Variants in ALG9 observed in about 807,000 individuals in gnomAD.
ALG9 encodes ALG9 alpha-1,2-mannosyltransferase.
Under a neutral mutation model 81.8 loss-of-function variants are expected in ALG9, and 55 were observed. The ratio of observed to expected loss-of-function variants is 0.67; its 90% CI spans 0.54 to 0.84. ALG9 has a LOEUF of 0.84. ALG9 is among the 40% of genes least tolerant of loss of function. The pLI, the probability that ALG9 is intolerant of heterozygous loss-of-function variation, is 0.00. For missense variants in ALG9, 629 were observed against 745.0 expected (o/e 0.84, Z 1.81); for synonymous variants, 278 against 274.3 (o/e 1.01, Z -0.13).
chr11:111,804,520 G>T (rs1949641535), intron 14 of ALG9, among the ~76,000 whole-genome samples: 1 of 152,158 alleles, frequency 6.6e-6, no homozygotes, highest in African/African-American at 2.4e-5. Context: ...GAGCCCAGGA[G>T]TTAGAGGTTA....
At chr11:111,794,873 G>A (rs1161548461) in intron 14 of ALG9, among the ~76,000 whole-genome samples, 1 of 152,186 alleles carries the variant, frequency 6.6e-6, no homozygotes, top group Non-Finnish European at 1.5e-5. Flanking sequence ...CAGTTCTGAA[G>A]AGAATCTCAG....
In ALG9 at chr11:111,828,282, C is replaced by T. The variant is rs186446941; in HGVS notation, c.1602+7883G>A. On this transcript the variant is annotated intron_variant, in intron 13 of 14. Coordinates refer to ENST00000616540, the MANE Select transcript of ALG9 (RefSeq NM_024740.2). ...TGATTCAAAACTGTTGGAATTACAC[C>T]GCCAATGGATAGTCTTGAGCATGAT... 4.5e-3 allele frequency among the ~76,000 whole-genome samples: 682 copies of T among 152,256 alleles called. 4 individuals are homozygous for T. The highest frequency in any genetic ancestry group is 7.1e-3 in the Non-Finnish European group (483 of 68,038).
rs118171633 is a variant in ALG9, at chr11:111,847,671, A to G, written c.896-2948T>C. ...CCTCTTGATCTCTGACCCCACAGAG[A>G]CATTTTGCCTAAGACTTCACAATTC... On this transcript the variant is annotated intron_variant, in intron 8 of 14. Coordinates refer to ENST00000616540, the MANE Select transcript of ALG9 (RefSeq NM_024740.2). 6.6e-3 allele frequency among the ~76,000 whole-genome samples: 1,012 copies of G among 152,256 alleles called. 6 individuals carry two copies. The highest frequency in any genetic ancestry group is 0.051 in the Middle Eastern group (15 of 294).
chr11:111,800,847 A>G (rs1301744336), intron 14 of ALG9, among the ~76,000 whole-genome samples: 2 of 152,174 alleles, frequency 1.3e-5, no homozygotes, highest in African/African-American at 4.8e-5. Flanking sequence ...CTAACTGGAG[A>G]TGAGTGATGG....
In ALG9 at chr11:111,786,443, A is replaced by C. The variant is rs782585320; in HGVS notation, c.1811T>G (p.Leu604Arg). 6.2e-7 allele frequency: 1 copy of C among 1,614,046 alleles called. No homozygotes were observed. Among genetic ancestry groups the C allele is most frequent in the Non-Finnish European group, 8.5e-7 (1 of 1,180,012 alleles). The stretch of plus-strand genomic sequence containing the variant: ...GATTTGCTTTGCTTTCCGGGGTTTG[A>C]GGATGGTGTAGTTTACGTACACTGT... ...QYTVYVNYTILKPRKAKQIRK... is the reference protein window; with the variant it reads ...QYTVYVNYTIRKPRKAKQIRK... Residue 604 changes from leucine to arginine, a missense_variant, in exon 15 of 15, where the codon CTC becomes CGC. Physicochemically the swap from Leu to Arg is moderately radical, Grantham distance 102. This residue lies in a region of ALG9 where 264 missense variants were observed against 302.2 expected (regional missense o/e 0.87). Transcript: ENST00000616540.
chr11:111,864,606 C>T, intron 4 of ALG9: 1 of 504,278 alleles, frequency 2.0e-6, no homozygotes, highest in East Asian at 3.4e-5. Context: ...CAGTCTTTAA[C>T]ATCTACCTCT....
chr11:111,844,775 TTA>T (rs1555127515), intron 8 of ALG9, 52 bp from the exon 9 acceptor site: 3 of 1,586,162 alleles, frequency 1.9e-6, no homozygotes, highest in Non-Finnish European at 1.7e-6. Context: ...TTAACACCTA[TTA>T]CGGTGCTTGA....
At chr11:111,837,363 C>G in intron 12 of ALG9, 105 bp downstream of exon 12, 2 of 1,341,076 alleles carry the variant, frequency 1.5e-6, no homozygotes, top group Non-Finnish European at 2.1e-6. Flanking sequence ...AATTCAATAA[C>G]TCTCTGTGAA....
chr11:111,852,523 A>G (rs1957987498), intron 8 of ALG9, among the ~76,000 whole-genome samples: 1 of 152,168 alleles, frequency 6.6e-6, no homozygotes, highest in African/African-American at 2.4e-5. Flanking sequence ...TGCTGACCCC[A>G]GCCCAGCCCC....
At chr11:111,820,358 C>T (rs1209578009) in intron 13 of ALG9, among the ~76,000 whole-genome samples, 3 of 152,198 alleles carry the variant, frequency 2.0e-5, no homozygotes, top group African/African-American at 7.2e-5. Flanking sequence ...CTGGTAAGGG[C>T]CTTCTTACTG....
chr11:111,867,255 G>A (rs971718553), intron 3 of ALG9, among the ~76,000 whole-genome samples: 7 of 152,264 alleles, frequency 4.6e-5, no homozygotes, highest in East Asian at 3.9e-4. Flanking sequence ...ACCTTGCAGT[G>A]GCTTTACATA....
intron 14 of ALG9, among the ~76,000 whole-genome samples, chr11:111,789,761 A>C (rs970430672): frequency 2.6e-5 from 4 of 151,620 alleles, no homozygotes; most frequent in Non-Finnish European, 5.9e-5. Context: ...TAGAAGTTGC[A>C]GTGAGCTGAG....
chr11:111,854,474 T>C (rs1555141867), intron 6 of ALG9, among the ~76,000 whole-genome samples: 1 of 152,110 alleles, frequency 6.6e-6, no homozygotes, highest in African/African-American at 2.4e-5. Flanking sequence ...TTTCACCATG[T>C]TGGCCAGGCT....
intron 14 of ALG9, among the ~76,000 whole-genome samples, chr11:111,792,666 A>C (rs902818182): frequency 1.2e-4 from 18 of 152,228 alleles, no homozygotes; most frequent in African/African-American, 4.3e-4. Context: ...TTCAGCATCA[A>C]ATTCTAAATA....
intron 13 of ALG9, among the ~76,000 whole-genome samples, chr11:111,822,157 A>G (rs2136596905): frequency 6.6e-6 from 1 of 152,298 alleles, no homozygotes; most frequent in Non-Finnish European, 1.5e-5. Context: ...CTGTAAACCT[A>G]GCACTTTGGG....
At position 111,861,359 on chromosome 11, in the gene ALG9, A is replaced by C. The variant is rs1960052195; in HGVS notation, c.477-724T>G. ...ACTGCATTTCAGAGCTTCTTTCTGA[A>C]ATAATTTTGCTTTTTCCTAAGTACC... is the stretch of plus-strand genomic sequence containing the variant. On this transcript the variant is annotated intron_variant, in intron 4 of 14. Transcript: ENST00000616540. 1.3e-5 allele frequency among the ~76,000 whole-genome samples: 2 copies of C among 152,148 alleles called. 1 individual carries two copies. Among genetic ancestry groups the C allele is most frequent in the South Asian group, 4.1e-4 (2 of 4,832 alleles).
intron 14 of ALG9, among the ~76,000 whole-genome samples, chr11:111,803,596 T>C (rs1333745343): frequency 6.6e-6 from 1 of 151,268 alleles, no homozygotes; most frequent in African/African-American, 2.4e-5. Context: ...AGTGTGGTAC[T>C]GGAGAAAGAA....
intron 13 of ALG9, among the ~76,000 whole-genome samples, chr11:111,825,849 G>A (rs1331245402): frequency 6.6e-6 from 1 of 151,352 alleles, no homozygotes; most frequent in East Asian, 2.0e-4. Context: ...CCTGACCTGA[G>A]GTCAGGAGTT....
intron 13 of ALG9, among the ~76,000 whole-genome samples, chr11:111,826,652 C>T (rs755452388): frequency 1.3e-5 from 2 of 152,148 alleles, no homozygotes; most frequent in Non-Finnish European, 2.9e-5. Context: ...GTAACATACA[C>T]TAACTTCTTT....
Sources: gnomAD v4.1 joint callset for allele counts (sites outside exome capture counted in the v4.1 genomes callset) on GRCh38, gnomAD v4.1.1 for gene constraint, gnomAD v4.1.1 regional missense constraint, MANE v1.5 for transcripts, NCBI Gene and HGNC (gene_info 2026-07-23, HGNC 2026-07-21) for gene names.